Variants in LUZP2 observed in about 807,000 individuals in gnomAD.
LUZP2 encodes leucine zipper protein 2.
In LUZP2, 52 loss-of-function variants were observed where a neutral mutation model predicts 51.6. The observed-to-expected ratio is 1.01, with a 90% CI of 0.81 to 1.27. The LOEUF is 1.27. Ranked by LOEUF, LUZP2 falls within the 50% of genes most tolerant of loss-of-function variation. The probability of loss-of-function intolerance (pLI) is 0.00; values close to 1 mark genes in which losing one functional copy is unlikely to be tolerated. For missense variants in LUZP2, 436 were observed against 395.4 expected (o/e 1.10, Z -0.87); for synonymous variants, 154 against 137.3 (o/e 1.12, Z -0.85).
intron 7 of LUZP2, among the ~76,000 whole-genome samples, chr11:24,927,500 C>G (rs946301020): frequency 6.6e-6 from 1 of 151,626 alleles, no homozygotes; most frequent in Non-Finnish European, 1.5e-5. Flanking sequence ...TTAGGGTGTC[C>G]TTTCCCCACT....
At chr11:24,657,841 A>C (rs1393258097) in intron 1 of LUZP2, among the ~76,000 whole-genome samples, 2 of 152,210 alleles carry the variant, frequency 1.3e-5, no homozygotes, top group Non-Finnish European at 2.9e-5. Context: ...CAAAGAGAAT[A>C]AAATACCTAG....
chr11:24,800,523 A>G (rs561472319), intron 5 of LUZP2, among the ~76,000 whole-genome samples: 11 of 147,634 alleles, frequency 7.5e-5, no homozygotes, highest in Admixed American at 3.5e-4. Context: ...TTACATTCAC[A>G]TGCCTATCAT....
intron 7 of LUZP2, among the ~76,000 whole-genome samples, chr11:24,924,103 G>C (rs558980451): frequency 1.3e-5 from 2 of 150,382 alleles, no homozygotes; most frequent in African/African-American, 2.4e-5. Flanking sequence ...AATTGAGACG[G>C]AGTCTCATTT....
At chr11:24,886,685 C>G (rs1193679320) in intron 5 of LUZP2, among the ~76,000 whole-genome samples, 1 of 152,134 alleles carries the variant, frequency 6.6e-6, no homozygotes, top group Non-Finnish European at 1.5e-5. Context: ...ATTCTGGAGA[C>G]CACATCCTGA....
At chr11:24,598,015 C>T (rs970554022) in intron 1 of LUZP2, among the ~76,000 whole-genome samples, 4 of 151,432 alleles carry the variant, frequency 2.6e-5, no homozygotes, top group East Asian at 2.0e-4. Flanking sequence ...GCAGGAGAAT[C>T]GCTTGAACCT....
chr11:24,520,094 C>T (rs888171510), intron 1 of LUZP2, among the ~76,000 whole-genome samples: 1 of 151,998 alleles, frequency 6.6e-6, no homozygotes, highest in African/African-American at 2.4e-5. Flanking sequence ...GCATAAAATC[C>T]ACAAGATCTT....
rs575238810 is a variant in LUZP2 at position 25,059,185 on chromosome 11, T to C, written c.858+9055T>C. ...ATTTTAATCTTTTAGAGTAAGATCATAAGAGACATGACTAATCTCTTTAGT... is the reference window on the plus strand; with the variant it reads ...ATTTTAATCTTTTAGAGTAAGATCACAAGAGACATGACTAATCTCTTTAGT... On this transcript the variant is annotated intron_variant, in intron 10 of 11. Coordinates refer to ENST00000336930, the MANE Select transcript of LUZP2 (RefSeq NM_001009909.4). Among the ~76,000 whole-genome samples the C allele has an allele frequency of 2.0e-5, 3 of 152,284 alleles. No individual in the cohort carries two copies. The South Asian group carries it at 6.2e-4, about 32-fold the overall frequency.
chr11:24,930,291 G>GT (rs951880398), intron 7 of LUZP2, among the ~76,000 whole-genome samples: 2 of 151,612 alleles, frequency 1.3e-5, no homozygotes, highest in South Asian at 2.1e-4. Flanking sequence ...GCCTGAATAC[G>GT]TTTTTTTTCA....
intron 1 of LUZP2, among the ~76,000 whole-genome samples, chr11:24,523,762 C>T (rs995737040): frequency 1.3e-5 from 2 of 151,308 alleles, no homozygotes; most frequent in African/African-American, 4.8e-5. Context: ...ATTACAAGCC[C>T]GCATCATTAT....
At position 24,727,129 on chromosome 11, in the gene LUZP2, T is replaced by C. The variant is rs947211087; in HGVS notation, c.63-2040T>C. ...GGTGAAATGAAACAATGTTGTATAT[T>C]ATAAAAGGGAAATGTTATTTGTAAT... On this transcript the variant is annotated intron_variant, in intron 1 of 11. Coordinates refer to ENST00000336930, the MANE Select transcript of LUZP2 (RefSeq NM_001009909.4). 2.0e-5 allele frequency among the ~76,000 whole-genome samples: 3 copies of C among 152,100 alleles called. No individual in the cohort carries two copies. In the East Asian group the frequency reaches 5.8e-4, roughly 29 times the overall value.
chr11:24,890,978 A>G, intron 5 of LUZP2: 1 of 974,566 alleles, frequency 1.0e-6, no homozygotes, highest in South Asian at 4.8e-5. Flanking sequence ...TGAAATGGCA[A>G]GCATCTCTTC....
intron 1 of LUZP2, among the ~76,000 whole-genome samples, chr11:24,645,078 C>A (rs564191549): frequency 1.3e-5 from 2 of 152,034 alleles, no homozygotes; most frequent in East Asian, 3.9e-4. Context: ...ATCCTGTTTA[C>A]GTAAAATATT....
intron 7 of LUZP2, among the ~76,000 whole-genome samples, chr11:24,918,858 T>A (rs1157425237): frequency 7.0e-6 from 1 of 142,564 alleles, no homozygotes; most frequent in Non-Finnish European, 1.5e-5. Flanking sequence ...TATATATATG[T>A]TCTTTATATA....
intron 9 of LUZP2, among the ~76,000 whole-genome samples, chr11:25,039,975 G>A (rs962840009): frequency 1.5e-4 from 23 of 151,942 alleles, no homozygotes; most frequent in African/African-American, 5.6e-4. Context: ...ATGAATTAAA[G>A]TCAAAGAAGG....
chr11:24,509,444 C>T (rs149579766), intron 1 of LUZP2, among the ~76,000 whole-genome samples: 27 of 149,012 alleles, frequency 1.8e-4, no homozygotes, highest in African/African-American at 6.6e-4. Flanking sequence ...ATATAGTATA[C>T]ATATGGTATA....
rs950177651 is a variant in LUZP2 at position 24,656,602 on chromosome 11, C to T, written c.63-72567C>T. Reference sequence around the variant, plus strand: ...GAGGCTCTGGGAAAGAATCTTCTTCCGAGCTCCTTCAGGGTTTAGGTATAT... The same window carrying T: ...GAGGCTCTGGGAAAGAATCTTCTTCTGAGCTCCTTCAGGGTTTAGGTATAT... On this transcript the variant is annotated intron_variant, in intron 1 of 11. Transcript: ENST00000336930. Among the ~76,000 whole-genome samples, 10 of 152,114 alleles carry T rather than the reference C, an allele frequency of 6.6e-5. No individual in the cohort carries two copies. The East Asian group carries it at 1.5e-3, about 23-fold the overall frequency.
chr11:24,550,191 G>T (rs758417546), intron 1 of LUZP2, among the ~76,000 whole-genome samples: 5 of 151,924 alleles, frequency 3.3e-5, no homozygotes, highest in Admixed American at 6.6e-5. Flanking sequence ...GATACTAATT[G>T]CTATAAATGT....
In LUZP2 at chr11:24,723,046, T is replaced by A. The variant is rs1994373; in HGVS notation, c.63-6123T>A. 3.9e-5 allele frequency among the ~76,000 whole-genome samples: 6 copies of A among 151,996 alleles called. No individual in the cohort carries two copies. In the South Asian group the frequency reaches 1.2e-3, roughly 32 times the overall value. ...CCTCCCACAAATCAATAACAAGCAA[T>A]GGGCAAACTAATGGAAAAAGGGCAA... On this transcript the variant is annotated intron_variant, in intron 1 of 11. Coordinates refer to ENST00000336930, the MANE Select transcript of LUZP2 (RefSeq NM_001009909.4).
At chr11:24,751,636 A>G (rs11028138) in intron 4 of LUZP2, 94,942 of 945,408 alleles carry the variant, frequency 0.1, 6,181 homozygotes, top group East Asian at 0.44. Flanking sequence ...TGGGTTTTTC[A>G]TTTTCTCCCC....
Sources: allele counts gnomAD v4.1 joint callset (sites outside exome capture counted in the v4.1 genomes callset), GRCh38; gene constraint gnomAD v4.1.1; transcripts MANE v1.5; gene names NCBI Gene and HGNC (gene_info 2026-07-23, HGNC 2026-07-21).